PRKCE: variants seen among roughly 807,000 people sequenced by gnomAD.
The protein encoded by PRKCE is protein kinase C epsilon, also known as protein kinase C epsilon type.
Under a neutral mutation model 85.4 loss-of-function variants are expected in PRKCE, and 16 were observed. The ratio of observed to expected loss-of-function variants is 0.19; its 90% CI spans 0.13 to 0.28. The LOEUF (loss-of-function observed/expected upper bound fraction) is 0.28. Ranked by LOEUF, PRKCE falls within the 10% of genes least tolerant of loss-of-function variation. The pLI is 1.00. For synonymous variants in PRKCE, 388 were observed against 371.5 expected (o/e 1.04, Z -0.51); for missense variants, 573 against 975.2 (o/e 0.59, Z 5.49).
intron 1 of PRKCE, among the ~76,000 whole-genome samples, chr2:45,763,145 G>C (rs769632152): frequency 3.3e-5 from 5 of 152,000 alleles, no homozygotes; most frequent in Non-Finnish European, 5.9e-5. Context: ...TACTAGAGAT[G>C]GGGTTTCACC....
intron 1 of PRKCE, among the ~76,000 whole-genome samples, chr2:45,746,380 G>T (rs545838008): frequency 6.6e-5 from 10 of 152,280 alleles, no homozygotes; most frequent in African/African-American, 2.4e-4. Flanking sequence ...CAGCCTTTCT[G>T]GTCCTCACTG....
At chr2:46,039,461 G>C (rs915564943) in intron 10 of PRKCE, among the ~76,000 whole-genome samples, 1 of 152,054 alleles carries the variant, frequency 6.6e-6, no homozygotes, top group African/African-American at 2.4e-5. Flanking sequence ...CCTCCACTGA[G>C]GCCTGTTCTT....
chr2:46,084,489 C>G (rs1669390681), intron 10 of PRKCE, among the ~76,000 whole-genome samples: 1 of 152,022 alleles, frequency 6.6e-6, no homozygotes, highest in African/African-American at 2.4e-5. Context: ...TTTGGGAGGC[C>G]AAGGCGGGTG....
chr2:45,754,780 T>C (rs534298666), intron 1 of PRKCE, among the ~76,000 whole-genome samples: 1 of 152,302 alleles, frequency 6.6e-6, no homozygotes, highest in East Asian at 1.9e-4. Context: ...CTGACGTGCA[T>C]TGGAAGGCAA....
rs1318215480 is a variant in PRKCE at position 45,978,957 on chromosome 2, A to G, written c.573-19A>G. ...GTAAGATTTCACTTTTTTTAAAAAA[A>G]TGTTATTCTTCTTTTCAGGGGTGTC... On this transcript the variant is annotated intron_variant, in intron 3 of 14. Transcript: ENST00000306156. The G allele has an allele frequency of 1.9e-6, 3 of 1,597,164 alleles. No homozygotes were observed. Among genetic ancestry groups the G allele is most frequent in the Non-Finnish European group, 1.7e-6 (2 of 1,178,952 alleles).
At chr2:45,833,236 G>A (rs4952779) in intron 1 of PRKCE, among the ~76,000 whole-genome samples, 96,628 of 151,924 alleles carry the variant, frequency 0.64, 32,051 homozygotes, top group African/African-American at 0.83. Flanking sequence ...GATACTACAG[G>A]GACAGAAAAT....
intron 1 of PRKCE, among the ~76,000 whole-genome samples, chr2:45,771,560 CCTCT>C (rs1465884304): frequency 1.3e-5 from 2 of 152,180 alleles, no homozygotes; most frequent in Admixed American, 6.5e-5. Context: ...GATTTTCCTC[CCTCT>C]GAGAGCCGCC....
chr2:45,898,353 TTAGGATC>T (rs1239058829), intron 2 of PRKCE, among the ~76,000 whole-genome samples: 1 of 152,154 alleles, frequency 6.6e-6, no homozygotes, highest in Non-Finnish European at 1.5e-5. Flanking sequence ...GTTAGTGTGA[TTAGGATC>T]TACCTGCTGG....
At chr2:45,920,067 G>T (rs1328457742) in intron 2 of PRKCE, among the ~76,000 whole-genome samples, 5 of 152,198 alleles carry the variant, frequency 3.3e-5, no homozygotes, top group Non-Finnish European at 5.9e-5. Flanking sequence ...GCCCCAGCCG[G>T]TTCAGACACA....
At chr2:45,782,442 C>G (rs564771585) in intron 1 of PRKCE, among the ~76,000 whole-genome samples, 19 of 152,170 alleles carry the variant, frequency 1.2e-4, no homozygotes, top group Admixed American at 5.9e-4. Flanking sequence ...TTAAAATAGG[C>G]CGAGAGTCCC....
At chr2:45,820,597 A>G (rs1689451797) in intron 1 of PRKCE, among the ~76,000 whole-genome samples, 1 of 152,160 alleles carries the variant, frequency 6.6e-6, no homozygotes, top group Non-Finnish European at 1.5e-5. Context: ...CAGGAATCAC[A>G]GAGTTGAAGA....
intron 1 of PRKCE, among the ~76,000 whole-genome samples, chr2:45,750,686 G>T (rs967897710): frequency 6.6e-6 from 1 of 152,128 alleles, no homozygotes; most frequent in Non-Finnish European, 1.5e-5. Flanking sequence ...ACATGAAATG[G>T]GACTATAATC....
At position 45,781,054 on chromosome 2, in the gene PRKCE, C is replaced by T. The variant is rs185909211; in HGVS notation, c.349-61946C>T. On this transcript the variant is annotated intron_variant, in intron 1 of 14. Transcript: ENST00000306156. ...TAATTTAGAAATCAAATGACTAGGC[C>T]GGGCATAGTGGCTCAAGGCTGTAAT... is the stretch of plus-strand genomic sequence containing the variant. Among the ~76,000 whole-genome samples the T allele has an allele frequency of 5.9e-3, 900 of 152,146 alleles. 1 individual carries two copies. Among genetic ancestry groups the T allele is most frequent in the Non-Finnish European group, 9.4e-3 (638 of 67,994 alleles).
chr2:45,738,328 C>G (rs1162078790), intron 1 of PRKCE, among the ~76,000 whole-genome samples: 1 of 152,168 alleles, frequency 6.6e-6, no homozygotes, highest in Non-Finnish European at 1.5e-5. Flanking sequence ...TTCTTTACAC[C>G]TGTAGATAAA....
intron 14 of PRKCE, among the ~76,000 whole-genome samples, chr2:46,168,717 A>T (rs2104639152): frequency 6.6e-6 from 1 of 152,352 alleles, no homozygotes; most frequent in East Asian, 1.9e-4. Context: ...GACTCCTAAC[A>T]GGATGCTCAT....
In PRKCE at chr2:45,881,135, A is replaced by C. The variant is rs374950577; in HGVS notation, c.412+38072A>C. 8.6e-4 allele frequency among the ~76,000 whole-genome samples: 124 copies of C among 143,992 alleles called. 1 individual carries two copies. The highest frequency in any genetic ancestry group is 3.1e-3 in the African/African-American group (119 of 38,042). The allele number at this position is 143,992 out of a possible 152,430, so 94.5% of individuals were successfully genotyped here. ...GCCACTGCACTCCAGCCTGGGCGACAGAGCGAGACTCCGTCTCAAAAAAAA... is the reference window on the plus strand; with the variant it reads ...GCCACTGCACTCCAGCCTGGGCGACCGAGCGAGACTCCGTCTCAAAAAAAA... On this transcript the variant is annotated intron_variant, in intron 2 of 14. Coordinates refer to ENST00000306156, the MANE Select transcript of PRKCE (RefSeq NM_005400.3).
At chr2:45,736,820 A>G (rs1682103726) in intron 1 of PRKCE, among the ~76,000 whole-genome samples, 1 of 152,200 alleles carries the variant, frequency 6.6e-6, no homozygotes, top group Non-Finnish European at 1.5e-5. Context: ...AGTGATGGTA[A>G]GCGACTGTGG....
intron 1 of PRKCE, among the ~76,000 whole-genome samples, chr2:45,684,429 C>T (rs766528411): frequency 6.6e-6 from 1 of 152,216 alleles, no homozygotes; most frequent in Admixed American, 6.5e-5. Flanking sequence ...TTTCAGATAT[C>T]TGACCTAGAC....
At chr2:46,019,103 A>G (rs894615078) in intron 10 of PRKCE, among the ~76,000 whole-genome samples, 2 of 152,264 alleles carry the variant, frequency 1.3e-5, no homozygotes, top group African/African-American at 4.8e-5. Context: ...AAATGTCTTT[A>G]ACATTAAATA....
Sources: gnomAD v4.1 joint callset for allele counts (sites outside exome capture counted in the v4.1 genomes callset) on GRCh38, gnomAD v4.1.1 for gene constraint, MANE v1.5 for transcripts, NCBI Gene and HGNC (gene_info 2026-07-23, HGNC 2026-07-21) for gene names.